Variants in TLR6 observed in about 807,000 individuals in gnomAD.
TLR6 encodes the protein toll-like receptor 6.
Under a neutral mutation model 16.1 loss-of-function variants are expected in TLR6, and 9 were observed. The ratio of observed to expected loss-of-function variants is 0.56; its 90% CI spans 0.34 to 0.98. The LOEUF (loss-of-function observed/expected upper bound fraction) is 0.98. Ranked by LOEUF, TLR6 falls within the 50% of genes least tolerant of loss-of-function variation. The pLI, the probability that TLR6 is intolerant of heterozygous loss-of-function variation, is 0.02. For missense variants in TLR6, 786 were observed against 921.0 expected (o/e 0.85, Z 1.90); for synonymous variants, 340 against 338.6 (o/e 1.00, Z -0.04).
intron 1 of TLR6, among the ~76,000 whole-genome samples, chr4:38,843,362 T>C (rs1712370771): frequency 6.6e-6 from 1 of 152,180 alleles, no homozygotes; most frequent in Non-Finnish European, 1.5e-5. Context: ...GCAGGGATAA[T>C]TGAGAGCAGA....
At chr4:38,839,152 AG>A (rs960107381) in intron 1 of TLR6, among the ~76,000 whole-genome samples, 11 of 59,586 alleles carry the variant, frequency 1.8e-4, no homozygotes, top group Admixed American at 1.3e-3. Context: ...AGGGGAGGGA[AG>A]GGGGGGAAGA....
chr4:38,858,771 GAGAGGGAGAGAGAGAGAGAGGGA>G (rs1713097637), upstream of TLR6, among the ~76,000 whole-genome samples: 3 of 76,154 alleles, frequency 3.9e-5, no homozygotes, highest in East Asian at 6.2e-4. Flanking sequence ...GAGAGAGAGA[GAGAGGGAGAGAGAGAGAGAGGGA>G]GAGAGAGAGA....
exon 2 of TLR6, chr4:38,827,379 T>C: frequency 6.2e-7 from 1 of 1,614,196 alleles, no homozygotes. Flanking sequence ...AAAACAAAGA[T>C]GGACTTGTAA....
At chr4:38,838,876 A>T (rs1712073224) in intron 1 of TLR6, among the ~76,000 whole-genome samples, 1 of 140,724 alleles carries the variant, frequency 7.1e-6, no homozygotes, top group African/African-American at 2.6e-5. Flanking sequence ...TTTTGTGGGG[A>T]AGGAAAGAAG....
intron 1 of TLR6, among the ~76,000 whole-genome samples, chr4:38,835,653 T>C (rs773790879): frequency 1.3e-5 from 2 of 152,228 alleles, no homozygotes; most frequent in Non-Finnish European, 2.9e-5. Context: ...TTTCATCTGA[T>C]AGCTGCAGAG....
exon 2 of TLR6, chr4:38,829,527 G>T (rs927753213): frequency 9.4e-7 from 1 of 1,064,596 alleles, no homozygotes; most frequent in Admixed American, 2.1e-5. Context: ...ATCTTGATAT[G>T]AGTCCAAATT....
At chr4:38,857,821 C>T (rs150700589), upstream of TLR6, among the ~76,000 whole-genome samples, 9 of 152,306 alleles carry the variant, frequency 5.9e-5, no homozygotes, top group East Asian at 1.7e-3. Flanking sequence ...CCTGGGGAGG[C>T]TCAGTAAGGA....
Position 38,828,845 on chromosome 4 carries a change from G to C in TLR6, c.629C>G (p.Ala210Gly), listed in dbSNP as rs137853180. The C allele has an allele frequency of 1.5e-5, 24 of 1,613,900 alleles. No homozygotes were observed. Among genetic ancestry groups the C allele is most frequent in the Non-Finnish European group, 1.9e-5 (23 of 1,179,964 alleles). Residue 210 changes from alanine (A) to glycine (G), a missense_variant, in exon 2 of 2, where the codon GCT becomes GGT. Coordinates refer to ENST00000436693, the Ensembl canonical transcript of TLR6. ...ATTAACTGATATGTTCACTTGGATA[G>C]CGAATAAACTAGTTGGGTGAAAAAC...
At chr4:38,832,644 G>A (rs892209629) in intron 1 of TLR6, among the ~76,000 whole-genome samples, 2 of 152,078 alleles carry the variant, frequency 1.3e-5, no homozygotes, top group African/African-American at 4.8e-5. Context: ...ATCCTGTTCT[G>A]GGGCCCAACA....
chr4:38,832,628 A>G (rs900664278), intron 1 of TLR6, among the ~76,000 whole-genome samples: 1 of 152,078 alleles, frequency 6.6e-6, no homozygotes, highest in African/African-American at 2.4e-5. Context: ...AGCCCTCACC[A>G]TACACATCCT....
the TLR6 span, among the ~76,000 whole-genome samples, chr4:38,866,984 G>A: frequency 6.6e-6 from 1 of 152,302 alleles, no homozygotes; most frequent in East Asian, 1.9e-4. Flanking sequence ...GACTTTTATA[G>A]AAAATACAAA....
At chr4:38,829,526 T>C in exon 2 of TLR6, 1 of 1,066,242 alleles carries the variant, frequency 9.4e-7, no homozygotes, top group Non-Finnish European at 1.4e-6. Flanking sequence ...CATCTTGATA[T>C]GAGTCCAAAT....
chr4:38,840,298 A>C (rs1245584150), intron 1 of TLR6, among the ~76,000 whole-genome samples: 1 of 152,216 alleles, frequency 6.6e-6, no homozygotes, highest in Non-Finnish European at 1.5e-5. Flanking sequence ...GCACCCAGTG[A>C]AGTTACTGAC....
rs1560261200 is a variant in TLR6 at position 38,827,270 on chromosome 4, A to T, written c.2204T>A (p.Leu735Ter). Reference sequence around the variant, plus strand: ...GCTGTTCTGTGGAATGGGTTCCAGTAAGATGAGGATTAAGTTATTAGATCC... The same window carrying T: ...GCTGTTCTGTGGAATGGGTTCCAGTTAGATGAGGATTAAGTTATTAGATCC... The change falls in exon 2 of 2, where the codon TTA (leucine) becomes TAA (stop). Residue 735 changes from leucine to a stop codon, truncating the protein, a stop_gained. Coordinates refer to ENST00000436693, the Ensembl canonical transcript of TLR6. LOFTEE classifies it high-confidence loss of function. 1 of 1,614,196 alleles carries T rather than the reference A, an allele frequency of 6.2e-7. No homozygotes were observed. The highest frequency in any genetic ancestry group is 1.3e-5 in the African/African-American group (1 of 75,042).
chr4:38,844,884 T>C (rs1044097425), intron 1 of TLR6, among the ~76,000 whole-genome samples: 1 of 151,930 alleles, frequency 6.6e-6, no homozygotes. Context: ...TGAAACCCTG[T>C]CTCTACTAAA....
the TLR6 span, among the ~76,000 whole-genome samples, chr4:38,862,398 A>G: frequency 6.6e-6 from 1 of 151,538 alleles, no homozygotes; most frequent in Non-Finnish European, 1.5e-5. Context: ...TTCTTGCCTC[A>G]GCCTTCTGAG....
chr4:38,865,709 G>A, the TLR6 span, among the ~76,000 whole-genome samples: 1 of 152,160 alleles, frequency 6.6e-6, no homozygotes, highest in Non-Finnish European at 1.5e-5. Context: ...TTTTAGAGGT[G>A]GAAAAACTGA....
exon 2 of TLR6, chr4:38,828,496 G>T: frequency 6.2e-7 from 1 of 1,614,104 alleles, no homozygotes; most frequent in Non-Finnish European, 8.5e-7. Context: ...CAGAAAACAC[G>T]GTGTACAAAG....
chr4:38,867,986 A>G, the TLR6 span: 2 of 388,910 alleles, frequency 5.1e-6, no homozygotes, highest in African/African-American at 2.2e-5. Flanking sequence ...AGCAGTGGTC[A>G]GGGAGGACCC....
Sources: gnomAD v4.1 joint callset for allele counts (sites outside exome capture counted in the v4.1 genomes callset) on GRCh38, gnomAD v4.1.1 for gene constraint, MANE v1.5 for transcripts, NCBI Gene and HGNC (gene_info 2026-07-23, HGNC 2026-07-21) for gene names.